Variants in APP observed in about 807,000 individuals in gnomAD.
The protein encoded by APP is amyloid beta precursor protein, also known as amyloid-beta precursor protein.
A neutral mutation model predicts 101.4 loss-of-function variants in APP; 31 were observed. The ratio of observed to expected loss-of-function variants is 0.31; its 90% CI spans 0.23 to 0.41. APP has a LOEUF of 0.41. APP is among the 10% of genes least tolerant of loss of function. The probability of loss-of-function intolerance (pLI) is 1.00; values close to 1 mark genes in which losing one functional copy is unlikely to be tolerated. For missense variants in APP, 839 were observed against 1,003.7 expected, an observed-to-expected ratio of 0.84 and a Z score of 2.22; for synonymous variants, 366 against 364.4, an observed-to-expected ratio of 1.00 and a Z score of -0.05.
chr21:26,044,597 T>C (rs983287940), intron 5 of APP, among the ~76,000 whole-genome samples: 63 of 152,302 alleles, frequency 4.1e-4, no homozygotes, highest in African/African-American at 1.5e-3. Context: ...TGGAGTGTGA[T>C]GGTGCAATCT....
chr21:26,030,281 C>T (rs189081405), intron 5 of APP, among the ~76,000 whole-genome samples: 4 of 152,274 alleles, frequency 2.6e-5, no homozygotes, highest in African/African-American at 7.2e-5. Context: ...GCCCTGGTGC[C>T]GGATAGGATG....
At chr21:26,122,046 G>A (rs1463943144) in intron 1 of APP, among the ~76,000 whole-genome samples, 3 of 152,214 alleles carry the variant, frequency 2.0e-5, no homozygotes, top group Non-Finnish European at 4.4e-5. Context: ...TGATAAATCT[G>A]CATCTTAGAG....
Position 26,118,381 on chromosome 21 carries a change from A to G in APP, c.58-6235T>C, listed in dbSNP as rs45542939. 8.7e-3 allele frequency among the ~76,000 whole-genome samples: 1,331 copies of G among 152,294 alleles called. 22 individuals carry two copies. Among genetic ancestry groups the G allele is most frequent in the African/African-American group, 0.029 (1,208 of 41,554 alleles). On this transcript the variant is annotated intron_variant, in intron 1 of 17. Transcript: ENST00000346798. Reference sequence around the variant, plus strand: ...TCAAAAACAGTTTACAATCTAGTCAATGTCCATTTAGTCTTAAAAGGTGAA... The same window carrying G: ...TCAAAAACAGTTTACAATCTAGTCAGTGTCCATTTAGTCTTAAAAGGTGAA...
At chr21:25,973,943 T>TAAA (rs369334912) in intron 11 of APP, among the ~76,000 whole-genome samples, 19,589 of 110,658 alleles carry the variant, frequency 0.18, 1,832 homozygotes, top group South Asian at 0.28. Flanking sequence ...CCATCTCATT[T>TAAA]AAAAAAAAAA....
intron 1 of APP, among the ~76,000 whole-genome samples, chr21:26,126,712 C>T (rs2062691719): frequency 6.6e-6 from 1 of 152,050 alleles, no homozygotes; most frequent in South Asian, 2.1e-4. Context: ...AGGCCCTCCC[C>T]CACCCAACAT....
chr21:26,108,561 T>C (rs2062236685), intron 2 of APP, among the ~76,000 whole-genome samples: 1 of 152,052 alleles, frequency 6.6e-6, no homozygotes, highest in Non-Finnish European at 1.5e-5. Context: ...TTTGTTTAAA[T>C]GCAAATCTAC....
chr21:26,032,056 A>G (rs2044854246), intron 5 of APP, among the ~76,000 whole-genome samples: 1 of 152,186 alleles, frequency 6.6e-6, no homozygotes. Context: ...TTTAAATTGT[A>G]TCATAAAGGT....
At chr21:26,022,104 A>T (rs1014730731) in intron 5 of APP, 62 bp from the exon 6 acceptor site, 16 of 1,582,598 alleles carry the variant, frequency 1.0e-5, no homozygotes, top group Non-Finnish European at 1.4e-5. Context: ...GAAGGAAAAG[A>T]AAAGTCGTCC....
intron 13 of APP, among the ~76,000 whole-genome samples, chr21:25,948,031 T>C (rs554451357): frequency 1.2e-4 from 18 of 149,774 alleles, no homozygotes; most frequent in South Asian, 4.2e-4. Flanking sequence ...AAAAAGTTCT[T>C]ATGTCCAAAT....
intron 13 of APP, among the ~76,000 whole-genome samples, chr21:25,950,246 G>A (rs1232843835): frequency 6.6e-6 from 1 of 152,116 alleles, no homozygotes; most frequent in Non-Finnish European, 1.5e-5. Context: ...TTACATGGTT[G>A]TCACTCAAAT....
At chr21:26,111,087 TAAAAAAAAAAA>T (rs576900084) in intron 2 of APP, among the ~76,000 whole-genome samples, 33 of 88,478 alleles carry the variant, frequency 3.7e-4, no homozygotes, top group Non-Finnish European at 4.8e-4. Context: ...AAAGTTAAGT[TAAAAAAAAAAA>T]AAAAAAAAAA....
At chr21:26,032,049 A>C (rs902709932) in intron 5 of APP, among the ~76,000 whole-genome samples, 4 of 149,348 alleles carry the variant, frequency 2.7e-5, no homozygotes, top group East Asian at 3.9e-4. Flanking sequence ...AAAGTACTTT[A>C]AATTGTATCA....
chr21:26,121,028 G>C (rs1396212620), intron 1 of APP, among the ~76,000 whole-genome samples: 3 of 152,184 alleles, frequency 2.0e-5, no homozygotes, highest in Non-Finnish European at 2.9e-5. Context: ...TATGTATGCA[G>C]AGAAGAGAGT....
At chr21:25,996,316 T>C (rs1224300387) in intron 8 of APP, among the ~76,000 whole-genome samples, 3 of 152,192 alleles carry the variant, frequency 2.0e-5, no homozygotes, top group Non-Finnish European at 4.4e-5. Context: ...GTTCCTAATG[T>C]CTAAAAGTGA....
chr21:26,045,455 C>A (rs1054239851), intron 5 of APP, among the ~76,000 whole-genome samples: 2 of 152,126 alleles, frequency 1.3e-5, no homozygotes, highest in Admixed American at 1.3e-4. Context: ...TGGGAAAATA[C>A]AGAATAAACA....
intron 8 of APP, among the ~76,000 whole-genome samples, chr21:25,996,054 T>C (rs2043043919): frequency 6.6e-6 from 1 of 152,152 alleles, no homozygotes. Flanking sequence ...GCATATATCA[T>C]CCCTAACCTA....
intron 15 of APP, chr21:25,897,925 A>G: frequency 8.0e-6 from 4 of 500,096 alleles, no homozygotes; most frequent in Non-Finnish European, 1.1e-5. Context: ...TACATGCTAT[A>G]ATTTTTGAAA....
At chr21:25,892,310 C>T (rs1171598593) in intron 16 of APP, among the ~76,000 whole-genome samples, 1 of 152,138 alleles carries the variant, frequency 6.6e-6, no homozygotes, top group African/African-American at 2.4e-5. Flanking sequence ...CTAGTCATAG[C>T]ACTCTGAGCC....
intron 3 of APP, among the ~76,000 whole-genome samples, chr21:26,064,453 T>C (rs2046381589): frequency 6.6e-6 from 1 of 152,250 alleles, no homozygotes; most frequent in South Asian, 2.1e-4. Context: ...ATATAAAAGT[T>C]CACATAATAA....
Sources: allele counts gnomAD v4.1 joint callset (sites outside exome capture counted in the v4.1 genomes callset), GRCh38; gene constraint gnomAD v4.1.1; transcripts MANE v1.5; gene names NCBI Gene and HGNC (gene_info 2026-07-23, HGNC 2026-07-21).